The following NELL1 variants were observed in gnomAD, a reference collection of about 807,000 sequenced individuals.
NELL1 encodes protein kinase C-binding protein NELL1.
In NELL1, 76 loss-of-function variants were observed where a neutral mutation model predicts 107.4. That is an observed-to-expected ratio of 0.71 (90% CI 0.59 to 0.86). The LOEUF (loss-of-function observed/expected upper bound fraction) is 0.86. Ranked by LOEUF, NELL1 falls within the 40% of genes least tolerant of loss-of-function variation. The pLI is 0.00. For synonymous variants in NELL1, 353 were observed against 341.2 expected (o/e 1.03, Z -0.38); for missense variants, 1,024 against 1,005.5 (o/e 1.02, Z -0.25).
intron 2 of NELL1, among the ~76,000 whole-genome samples, chr11:20,699,079 T>C (rs1397020126): frequency 6.6e-6 from 1 of 151,794 alleles, no homozygotes; most frequent in African/African-American, 2.4e-5. Flanking sequence ...TAGCTGGGCA[T>C]GGTGGCGCAC....
intron 2 of NELL1, among the ~76,000 whole-genome samples, chr11:20,696,972 G>C (rs1321668209): frequency 6.6e-6 from 1 of 152,072 alleles, no homozygotes; most frequent in Non-Finnish European, 1.5e-5. Flanking sequence ...GGCTGCCTTT[G>C]GTTGGCTAAA....
chr11:20,717,307 T>A (rs1437420058), intron 2 of NELL1, among the ~76,000 whole-genome samples: 1 of 152,226 alleles, frequency 6.6e-6, no homozygotes. Context: ...TTTGGTTTAA[T>A]GCAATGGTCT....
intron 12 of NELL1, among the ~76,000 whole-genome samples, chr11:21,048,423 A>G (rs191705059): frequency 4.4e-4 from 67 of 152,200 alleles, no homozygotes; most frequent in Admixed American, 3.5e-3. Context: ...CCTCATTTGC[A>G]TTCCTAATTA....
chr11:21,441,729 A>G (rs79269343), intron 15 of NELL1, among the ~76,000 whole-genome samples: 6,759 of 151,742 alleles, frequency 0.045, 324 homozygotes, highest in East Asian at 0.17. Context: ...TTCTTTATAA[A>G]TTGTTGGGTT....
At chr11:20,943,173 G>C (rs933413280) in intron 10 of NELL1, among the ~76,000 whole-genome samples, 5 of 151,912 alleles carry the variant, frequency 3.3e-5, no homozygotes, top group Admixed American at 6.6e-5. Context: ...GTGCAAAAAA[G>C]TTATTTTTCC....
chr11:20,952,971 G>A (rs777877645), intron 11 of NELL1, among the ~76,000 whole-genome samples: 3 of 152,132 alleles, frequency 2.0e-5, no homozygotes, highest in Non-Finnish European at 4.4e-5. Flanking sequence ...AAAGCTTAAG[G>A]ATTATTCTCA....
chr11:20,927,196 C>A, intron 7 of NELL1, 112 bp from the exon 8 acceptor site: 3 of 946,506 alleles, frequency 3.2e-6, no homozygotes, highest in Non-Finnish European at 4.7e-6. Flanking sequence ...CAGTGAACTG[C>A]TCTGAGCATT....
chr11:21,021,608 A>G (rs868309026), intron 12 of NELL1, among the ~76,000 whole-genome samples: 17 of 152,094 alleles, frequency 1.1e-4, no homozygotes, highest in Non-Finnish European at 1.9e-4. Context: ...TGTTCTTTGA[A>G]TGCATGCAAA....
At position 20,783,809 on chromosome 11, in the gene NELL1, C is replaced by G. The variant is rs750395083; in HGVS notation, c.314C>G (p.Ser105Cys). Reference sequence around the variant, plus strand: ...CCATCCACTTCAGGAGTGATACTGTCCATTCGAGAACTGGAGCACAGGTAA... The same window carrying G: ...CCATCCACTTCAGGAGTGATACTGTGCATTCGAGAACTGGAGCACAGGTAA... Reference protein sequence around the residue: ...QKPSTSGVILSIRELEHSYFE... With the variant: ...QKPSTSGVILCIRELEHSYFE... Residue 105 changes from serine (S) to cysteine (C), a missense_variant, in exon 3 of 20, where the codon TCC becomes TGC. By Grantham distance (112) the Ser-to-Cys change is moderately radical. Transcript: ENST00000357134. 4.3e-6 allele frequency: 7 copies of G among 1,613,010 alleles called. No homozygotes were observed. Among genetic ancestry groups the G allele is most frequent in the Non-Finnish European group, 5.9e-6 (7 of 1,179,566 alleles).
chr11:21,440,001 C>T (rs1853236884), intron 15 of NELL1, among the ~76,000 whole-genome samples: 1 of 151,968 alleles, frequency 6.6e-6, no homozygotes, highest in South Asian at 2.1e-4. Context: ...TTTATTCTAC[C>T]AAGGAAAGGC....
intron 14 of NELL1, among the ~76,000 whole-genome samples, chr11:21,347,843 G>T (rs993678415): frequency 6.6e-6 from 1 of 152,096 alleles, no homozygotes; most frequent in African/African-American, 2.4e-5. Context: ...GGTAACCACC[G>T]GTGCCTTATA....
intron 15 of NELL1, among the ~76,000 whole-genome samples, chr11:21,522,662 T>C (rs927384621): frequency 5.9e-5 from 9 of 152,078 alleles, no homozygotes; most frequent in Non-Finnish European, 1.0e-4. Context: ...TTCTCCACTA[T>C]GTAATATTGC....
At chr11:21,482,046 A>G (rs1854507423) in intron 15 of NELL1, among the ~76,000 whole-genome samples, 1 of 152,192 alleles carries the variant, frequency 6.6e-6, no homozygotes, top group Non-Finnish European at 1.5e-5. Context: ...GTTCATTTTG[A>G]TAAATAATAG....
intron 14 of NELL1, among the ~76,000 whole-genome samples, chr11:21,237,548 C>T (rs533337786): frequency 8.6e-5 from 13 of 151,822 alleles, no homozygotes; most frequent in East Asian, 7.8e-4. Context: ...TTTTACTTGC[C>T]GGAATGAATT....
chr11:21,134,308 T>C (rs1458430672), intron 13 of NELL1, among the ~76,000 whole-genome samples: 1 of 152,194 alleles, frequency 6.6e-6, no homozygotes, highest in East Asian at 1.9e-4. Context: ...AATAGGGTTT[T>C]GTCCTTATTG....
chr11:20,970,656 G>A (rs1851480615), intron 12 of NELL1, among the ~76,000 whole-genome samples: 1 of 152,090 alleles, frequency 6.6e-6, no homozygotes, highest in African/African-American at 2.4e-5. Context: ...CTCAGTAGGG[G>A]GATCAGCAGA....
rs117432662 is a variant in NELL1 at position 21,557,379 on chromosome 11, A to G, written c.1787-2810A>G. Among the ~76,000 whole-genome samples, 1,150 of 152,168 alleles carry G rather than the reference A, an allele frequency of 7.6e-3. 7 individuals carry two copies. Among genetic ancestry groups the G allele is most frequent in the Non-Finnish European group, 0.012 (816 of 67,970 alleles). On this transcript the variant is annotated intron_variant, in intron 16 of 19. Transcript: ENST00000357134. ...TCTTAATTTATGAGAGAAAATCACTACCAATATATTTGCAACTTTGTAAAT... is the reference window on the plus strand; with the variant it reads ...TCTTAATTTATGAGAGAAAATCACTGCCAATATATTTGCAACTTTGTAAAT...
intron 14 of NELL1, chr11:21,284,540 G>T: frequency 4.4e-6 from 2 of 458,860 alleles, no homozygotes; most frequent in Non-Finnish European, 8.8e-6. Flanking sequence ...TAGAAGACAT[G>T]ATTGTGGAGA....
At chr11:21,426,535 T>A (rs1416377409) in intron 15 of NELL1, among the ~76,000 whole-genome samples, 1 of 152,224 alleles carries the variant, frequency 6.6e-6, no homozygotes, top group Non-Finnish European at 1.5e-5. Flanking sequence ...ATTTCATATC[T>A]CTGCATAGGC....
Sources: gnomAD v4.1 joint callset for allele counts (sites outside exome capture counted in the v4.1 genomes callset) on GRCh38, gnomAD v4.1.1 for gene constraint, MANE v1.5 for transcripts, NCBI Gene and HGNC (gene_info 2026-07-23, HGNC 2026-07-21) for gene names.